Variants in TLCD4 observed in about 807,000 individuals in gnomAD.
TLCD4 encodes TLC domain-containing protein 4.
Under a neutral mutation model 24.2 loss-of-function variants are expected in TLCD4, and 7 were observed. The observed-to-expected ratio is 0.29, with a 90% confidence interval of 0.16 to 0.54. TLCD4 has a LOEUF of 0.54. TLCD4 is among the 20% of genes least tolerant of loss of function. The pLI, the probability that TLCD4 is intolerant of heterozygous loss-of-function variation, is 0.95. For synonymous variants in TLCD4, 103 were observed against 106.4 expected, an observed-to-expected ratio of 0.97 and a Z score of 0.20; for missense variants, 259 against 313.9, an observed-to-expected ratio of 0.82 and a Z score of 1.32.
At chr1:95,154,197 A>G (rs576969365) in intron 5 of TLCD4, among the ~76,000 whole-genome samples, 70 of 152,254 alleles carry the variant, frequency 4.6e-4, no homozygotes, top group African/African-American at 1.7e-3. Flanking sequence ...GAACTAGACA[A>G]TGGGGGAATT....
the TLCD4 span, among the ~76,000 whole-genome samples, chr1:95,104,831 C>A: frequency 6.6e-6 from 1 of 151,678 alleles, no homozygotes; most frequent in Admixed American, 6.6e-5. Context: ...AGTTCAAGAC[C>A]AGCCTGGCCA....
chr1:95,162,312 T>A (rs1247535039), intron 5 of TLCD4, among the ~76,000 whole-genome samples: 2 of 150,180 alleles, frequency 1.3e-5, no homozygotes, highest in African/African-American at 2.4e-5. Context: ...TATCAGAGAC[T>A]AGGATTGCAA....
chr1:95,158,086 C>T (rs1437911272), intron 5 of TLCD4, among the ~76,000 whole-genome samples: 1 of 152,142 alleles, frequency 6.6e-6, no homozygotes, highest in Admixed American at 6.5e-5. Flanking sequence ...TCCCTTCTTC[C>T]TCCCAATGTA....
At chr1:95,099,502 G>T in the TLCD4 span, among the ~76,000 whole-genome samples, 4 of 152,072 alleles carry the variant, frequency 2.6e-5, no homozygotes, top group Non-Finnish European at 5.9e-5. Flanking sequence ...ATCACATGTA[G>T]TTATTTGTTT....
upstream of TLCD4, chr1:95,117,230 T>C: frequency 6.6e-6 from 1 of 152,266 alleles, no homozygotes. Flanking sequence ...TTTGGGCTCT[T>C]TCCGGGACCC....
At chr1:95,128,009 C>A (rs1023740268) in intron 1 of TLCD4, among the ~76,000 whole-genome samples, 1 of 152,132 alleles carries the variant, frequency 6.6e-6, no homozygotes, top group African/African-American at 2.4e-5. Flanking sequence ...GAGGCTGAGG[C>A]AAGAGAATTG....
chr1:95,167,871 T>C (rs1198083535), intron 5 of TLCD4, among the ~76,000 whole-genome samples: 2 of 152,190 alleles, frequency 1.3e-5, no homozygotes, highest in African/African-American at 2.4e-5. Context: ...CAATAAATAG[T>C]CTGGGCTTCC....
At chr1:95,120,226 C>T (rs536401463) in intron 1 of TLCD4, 2 of 152,334 alleles carry the variant, frequency 1.3e-5, no homozygotes, top group Non-Finnish European at 2.9e-5. Context: ...GAGCTGTATT[C>T]ACCTGGCATT....
At position 95,152,368 on chromosome 1, in the gene TLCD4, T is replaced by G. The variant is rs563478967; in HGVS notation, c.399+949T>G. Among the ~76,000 whole-genome samples the G allele has an allele frequency of 8.5e-5, 13 of 152,162 alleles. 1 individual carries two copies. The South Asian group carries it at 2.7e-3, about 32-fold the overall frequency. ...ATAATTATAATTTTGGGGGGGTAAA[T>G]GATCATGAAATTCTTATCACTTATG... On this transcript the variant is annotated intron_variant, in intron 5 of 6. Coordinates refer to ENST00000370203, the MANE Select transcript of TLCD4 (RefSeq NM_152487.3).
At chr1:95,126,783 G>T (rs1676748320) in intron 1 of TLCD4, among the ~76,000 whole-genome samples, 1 of 152,082 alleles carries the variant, frequency 6.6e-6, no homozygotes, top group Admixed American at 6.5e-5. Context: ...ATGGTCTCAG[G>T]GCAATTTTCC....
chr1:95,147,658 A>AT (rs1382460943), intron 2 of TLCD4, among the ~76,000 whole-genome samples: 2 of 152,180 alleles, frequency 1.3e-5, no homozygotes, highest in Non-Finnish European at 2.9e-5. Context: ...TAGTTGATAT[A>AT]TTTTACTTTT....
At chr1:95,149,527 C>G (rs1677436751) in intron 3 of TLCD4, among the ~76,000 whole-genome samples, 1 of 152,080 alleles carries the variant, frequency 6.6e-6, no homozygotes, top group Non-Finnish European at 1.5e-5. Context: ...TTTTTCTATT[C>G]ATAAATATAA....
the TLCD4 span, among the ~76,000 whole-genome samples, chr1:95,109,187 G>T: frequency 5.3e-5 from 8 of 151,872 alleles, no homozygotes; most frequent in Non-Finnish European, 8.8e-5. Context: ...AATTAGCCAG[G>T]CCTGGTGGGT....
intron 1 of TLCD4, among the ~76,000 whole-genome samples, chr1:95,134,197 C>T (rs565199144): frequency 2.9e-4 from 44 of 152,106 alleles, no homozygotes; most frequent in African/African-American, 9.6e-4. Flanking sequence ...TGGACTGAGT[C>T]GTCTAGGAGA....
chr1:95,141,832 C>CACACACACAA (rs1491056058), intron 1 of TLCD4, among the ~76,000 whole-genome samples: 1 of 141,308 alleles, frequency 7.1e-6, no homozygotes. Flanking sequence ...CACACACACA[C>CACACACACAA]AAAGAATGAG....
At chr1:95,183,843 A>G (rs1369441024) in intron 6 of TLCD4, among the ~76,000 whole-genome samples, 1 of 152,154 alleles carries the variant, frequency 6.6e-6, no homozygotes, top group Non-Finnish European at 1.5e-5. Context: ...TCAAAAAACA[A>G]CAACATAAAA....
At chr1:95,135,435 C>T (rs988139234) in intron 1 of TLCD4, among the ~76,000 whole-genome samples, 3 of 141,486 alleles carry the variant, frequency 2.1e-5, no homozygotes, top group Non-Finnish European at 3.0e-5. Flanking sequence ...CTTCCTCTGT[C>T]GCCCAGGCTG....
chr1:95,172,291 T>C (rs762538972), intron 5 of TLCD4, among the ~76,000 whole-genome samples: 2 of 152,208 alleles, frequency 1.3e-5, no homozygotes, highest in African/African-American at 2.4e-5. Context: ...GGCAAGCACA[T>C]CTAAATTAAT....
intron 5 of TLCD4, among the ~76,000 whole-genome samples, chr1:95,162,901 G>C (rs1280497691): frequency 6.6e-6 from 1 of 152,170 alleles, no homozygotes; most frequent in Non-Finnish European, 1.5e-5. Context: ...CCCTTTGTGG[G>C]TAACCCAACC....
Sources: allele counts gnomAD v4.1 joint callset (sites outside exome capture counted in the v4.1 genomes callset), GRCh38; gene constraint gnomAD v4.1.1; transcripts MANE v1.5; gene names NCBI Gene and HGNC (gene_info 2026-07-23, HGNC 2026-07-21).